HCN1: variants seen among roughly 807,000 people sequenced by gnomAD.
The protein encoded by HCN1 is hyperpolarization activated cyclic nucleotide gated potassium channel 1, also known as potassium/sodium hyperpolarization-activated cyclic nucleotide-gated channel 1.
HCN1 carries 13 observed loss-of-function variants against 78.9 expected under a neutral mutation model. That is an observed-to-expected ratio of 0.16 (90% CI 0.11 to 0.26). The LOEUF (loss-of-function observed/expected upper bound fraction) is 0.26, where lower values mean the gene tolerates loss of function less well. Among genes scored for constraint, HCN1 ranks in the 10% least tolerant of loss-of-function variants. HCN1 has a pLI of 1.00. For synonymous variants in HCN1, 552 were observed against 455.5 expected, an observed-to-expected ratio of 1.21 and a Z score of -2.70; for missense variants, 810 against 1,154.3, an observed-to-expected ratio of 0.70 and a Z score of 4.32.
chr5:45,431,204 T>C (rs1740455269), intron 3 of HCN1, among the ~76,000 whole-genome samples: 1 of 152,210 alleles, frequency 6.6e-6, no homozygotes, highest in South Asian at 2.1e-4. Flanking sequence ...TAATGTTGAA[T>C]ACTTTTTCAT....
intron 3 of HCN1, among the ~76,000 whole-genome samples, chr5:45,422,613 TATA>T (rs1232586848): frequency 1.3e-5 from 2 of 152,172 alleles, no homozygotes; most frequent in African/African-American, 4.8e-5. Flanking sequence ...ATTAAATAAT[TATA>T]ACCATAAATT....
At chr5:45,500,935 AACAAATGTGTC>A (rs1742174910) in intron 2 of HCN1, among the ~76,000 whole-genome samples, 1 of 152,222 alleles carries the variant, frequency 6.6e-6, no homozygotes, top group South Asian at 2.1e-4. Context: ...AATTCACATC[AACAAATGTGTC>A]ACTTCTTTTG....
chr5:45,463,363 A>T (rs746287005), intron 2 of HCN1, among the ~76,000 whole-genome samples: 9 of 151,984 alleles, frequency 5.9e-5, no homozygotes, highest in Non-Finnish European at 1.2e-4. Context: ...TTCTTTAAAC[A>T]ATCTTTTTGA....
intron 2 of HCN1, among the ~76,000 whole-genome samples, chr5:45,556,426 C>T (rs1481302849): frequency 6.6e-6 from 1 of 151,970 alleles, no homozygotes; most frequent in Non-Finnish European, 1.5e-5. Flanking sequence ...CTGCCTATAA[C>T]TTGAAGTCCT....
intron 6 of HCN1, among the ~76,000 whole-genome samples, chr5:45,269,543 TAA>T (rs1392152230): frequency 3.9e-5 from 6 of 152,192 alleles, no homozygotes; most frequent in Non-Finnish European, 8.8e-5. Context: ...CAGAATTTGT[TAA>T]TTTAAAGTTT....
At chr5:45,394,452 A>G (rs956285967) in intron 4 of HCN1, among the ~76,000 whole-genome samples, 2 of 152,206 alleles carry the variant, frequency 1.3e-5, no homozygotes, top group Non-Finnish European at 2.9e-5. Context: ...AAGAAGCTGC[A>G]CATTACTCAT....
chr5:45,487,264 A>G (rs946373698), intron 2 of HCN1, among the ~76,000 whole-genome samples: 1 of 152,136 alleles, frequency 6.6e-6, no homozygotes, highest in South Asian at 2.1e-4. Context: ...TGTTCATAAT[A>G]TCAGACAGAT....
chr5:45,372,657 C>CATTTATATATAAAAATATAAAAT (rs1487722544), intron 4 of HCN1, among the ~76,000 whole-genome samples: 5 of 74,228 alleles, frequency 6.7e-5, no homozygotes, highest in Non-Finnish European at 1.1e-4. Context: ...ATATATAAAA[C>CATTTATATATAAAAATATAAAAT]ATTTATATAT....
At chr5:45,307,368 C>G (rs1008077983) in intron 5 of HCN1, among the ~76,000 whole-genome samples, 1 of 152,076 alleles carries the variant, frequency 6.6e-6, no homozygotes, top group Admixed American at 6.6e-5. Context: ...TGGGGACTTC[C>G]TTCAAAGAAT....
At chr5:45,585,611 G>T (rs565810843) in intron 2 of HCN1, among the ~76,000 whole-genome samples, 1 of 152,288 alleles carries the variant, frequency 6.6e-6, no homozygotes, top group African/African-American at 2.4e-5. Context: ...CTGATTTTTA[G>T]AGTTTCTAGC....
chr5:45,532,416 G>T (rs1420007661), intron 2 of HCN1, among the ~76,000 whole-genome samples: 3 of 152,158 alleles, frequency 2.0e-5, no homozygotes, highest in South Asian at 4.1e-4. Context: ...CTTTAGAAAA[G>T]AATGTGATTT....
At chr5:45,502,354 C>A (rs556481154) in intron 2 of HCN1, among the ~76,000 whole-genome samples, 1 of 151,090 alleles carries the variant, frequency 6.6e-6, no homozygotes, top group East Asian at 1.9e-4. Context: ...TGGTGGTGCA[C>A]ACCTGTAATC....
intron 4 of HCN1, among the ~76,000 whole-genome samples, chr5:45,382,033 T>G (rs1747819286): frequency 2.0e-5 from 3 of 152,180 alleles, no homozygotes; most frequent in Admixed American, 6.5e-5. Flanking sequence ...TTTGAATTGC[T>G]AGAGCAAGTT....
intron 2 of HCN1, among the ~76,000 whole-genome samples, chr5:45,487,483 G>A (rs906087528): frequency 6.6e-6 from 1 of 151,956 alleles, no homozygotes. Flanking sequence ...GCAATGCATG[G>A]TGGCCCAATC....
intron 2 of HCN1, chr5:45,575,188 A>C (rs1743914389): frequency 6.6e-6 from 1 of 152,166 alleles, no homozygotes; most frequent in Non-Finnish European, 1.5e-5. Context: ...AAAGATGAAA[A>C]ATCAATGCCT....
chr5:45,510,381 C>T (rs1047893321), intron 2 of HCN1, among the ~76,000 whole-genome samples: 3 of 152,042 alleles, frequency 2.0e-5, no homozygotes, highest in Admixed American at 6.6e-5. Flanking sequence ...TATTATATGA[C>T]TAGAGTATCG....
chr5:45,305,588 G>A (rs1745712991), intron 5 of HCN1, among the ~76,000 whole-genome samples: 2 of 152,126 alleles, frequency 1.3e-5, no homozygotes, highest in Admixed American at 1.3e-4. Flanking sequence ...TGCATGGAGT[G>A]TGGGTCTATA....
At chr5:45,508,219 A>AT (rs1298206652) in intron 2 of HCN1, among the ~76,000 whole-genome samples, 2 of 152,116 alleles carry the variant, frequency 1.3e-5, no homozygotes, top group Non-Finnish European at 2.9e-5. Flanking sequence ...AGTTCATCAT[A>AT]TTTTTCTCCA....
chr5:45,658,104 C>G (rs1213636974), intron 1 of HCN1, among the ~76,000 whole-genome samples: 2 of 152,154 alleles, frequency 1.3e-5, no homozygotes, highest in East Asian at 1.9e-4. Flanking sequence ...ACTATCTGAT[C>G]TTTGACAAAC....
Sources: gnomAD v4.1 joint callset for allele counts (sites outside exome capture counted in the v4.1 genomes callset) on GRCh38, gnomAD v4.1.1 for gene constraint, MANE v1.5 for transcripts, NCBI Gene and HGNC (gene_info 2026-07-23, HGNC 2026-07-21) for gene names.